The following RABL6 variants were observed in gnomAD, a reference collection of about 807,000 sequenced individuals.
RABL6 encodes the protein rab-like protein 6.
In RABL6, 28 loss-of-function variants were observed where a neutral mutation model predicts 72.9. The observed-to-expected ratio is 0.38, with a 90% CI of 0.28 to 0.53. The LOEUF is 0.53. RABL6 is among the 20% of genes least tolerant of loss of function. The pLI, the probability that RABL6 is intolerant of heterozygous loss-of-function variation, is 0.80. For synonymous variants in RABL6, 477 were observed against 421.2 expected (o/e 1.13, Z -1.62); for missense variants, 1,029 against 1,008.4 (o/e 1.02, Z -0.28).
chr9:136,839,230 T>C lies in RABL6; in HGVS notation c.1502T>C (p.Ile501Thr), dbSNP rs765194335. 1 of 1,599,094 alleles carries C rather than the reference T, an allele frequency of 6.3e-7. No homozygotes were observed. Among genetic ancestry groups the C allele is most frequent in the Non-Finnish European group, 8.5e-7 (1 of 1,172,982 alleles). Residue 501 changes from isoleucine to threonine, a missense_variant, in exon 12 of 15, where the codon ATA becomes ACA. Around this residue, in one of 2 missense-constraint regions of RABL6, gnomAD observed 595 missense variants for 472.4 expected, o/e 1.26. Coordinates refer to ENST00000311502, the MANE Select transcript of RABL6 (RefSeq NM_024718.5). ...CSEPETKWSSIPASKPRRGTA... is the reference protein window; with the variant it reads ...CSEPETKWSSTPASKPRRGTA... Reference sequence around the variant, plus strand: ...TCTGCTTGTCCACAAAGGTCCTCCATACCAGCTTCGAAGCCACGGAGGGGG... The same window carrying C: ...TCTGCTTGTCCACAAAGGTCCTCCACACCAGCTTCGAAGCCACGGAGGGGG...
chr9:136,835,950 T>A, intron 8 of RABL6, 105 bp downstream of exon 8: 1 of 1,136,744 alleles, frequency 8.8e-7, no homozygotes, highest in African/African-American at 1.6e-5. Flanking sequence ...GAGTGTCCCC[T>A]GTTTGGGGTA....
rs1847902411 is a variant in RABL6, at chr9:136,808,003, G to A, written c.-194G>A. On this transcript the variant is annotated 5_prime_UTR_variant, in exon 1 of 15. Transcript: ENST00000311502. Reference sequence around the variant, plus strand: ...CGCGCCGGAGGCCGCGGGGGCCGGAGCGGAGCAGCCGCGGCTGAGGTTCCC... The same window carrying A: ...CGCGCCGGAGGCCGCGGGGGCCGGAACGGAGCAGCCGCGGCTGAGGTTCCC... 6.9e-6 allele frequency: 7 copies of A among 1,021,118 alleles called. No individual in the cohort carries two copies. The highest frequency in any genetic ancestry group is 5.8e-5 in the Admixed American group (1 of 17,258). 63.3% of individuals were successfully genotyped at this position (1,021,118 alleles called of 1,614,324 possible). A position where few individuals can be genotyped will look rare whatever the true frequency, so the allele number is the denominator to read the frequency against.
chr9:136,820,998 G>T (rs1047251287), intron 1 of RABL6, among the ~76,000 whole-genome samples: 4 of 152,176 alleles, frequency 2.6e-5, no homozygotes, highest in African/African-American at 9.7e-5. Flanking sequence ...CTGAGTGAGA[G>T]AAATTATTCT....
At chr9:136,838,636 C>T (rs531596585) in intron 10 of RABL6, among the ~76,000 whole-genome samples, 34 of 152,250 alleles carry the variant, frequency 2.2e-4, no homozygotes, top group Non-Finnish European at 3.8e-4. Flanking sequence ...GAGCTGGGCC[C>T]GCCTCCTCCA....
intron 1 of RABL6, among the ~76,000 whole-genome samples, chr9:136,817,637 T>C (rs1052203422): frequency 1.4e-5 from 2 of 138,576 alleles, no homozygotes; most frequent in African/African-American, 5.3e-5. Flanking sequence ...TGATGAGCAC[T>C]TGAGAGCCGT....
intron 1 of RABL6, among the ~76,000 whole-genome samples, chr9:136,810,628 T>A (rs2131152619): frequency 6.6e-6 from 1 of 152,136 alleles, no homozygotes; most frequent in Non-Finnish European, 1.5e-5. Context: ...TGCAAGCTCC[T>A]CCTCCCGGGT....
intron 1 of RABL6, 26 bp downstream of exon 1, chr9:136,808,352 C>T (rs1847915453): frequency 1.4e-6 from 2 of 1,480,036 alleles, no homozygotes; most frequent in Non-Finnish European, 1.8e-6. Flanking sequence ...CGGGGGGGCG[C>T]GGGAGCGCCG....
At chr9:136,813,414 C>A in intron 1 of RABL6, 1 of 858,180 alleles carries the variant, frequency 1.2e-6, no homozygotes. Context: ...GTTTTTGATT[C>A]ACCCCTCCAA....
intron 6 of RABL6, 128 bp from the exon 7 acceptor site, chr9:136,832,137 G>A: frequency 5.1e-6 from 5 of 972,468 alleles, no homozygotes; most frequent in East Asian, 2.5e-5. Flanking sequence ...GCTCAGCAGG[G>A]TCCTGTGGCC....
intron 1 of RABL6, among the ~76,000 whole-genome samples, chr9:136,816,950 T>A (rs886385707): frequency 6.6e-6 from 1 of 152,156 alleles, no homozygotes; most frequent in African/African-American, 2.4e-5. Context: ...AACAAATGTA[T>A]GTTAAAATTG....
At chr9:136,812,364 A>G (rs1848029423) in intron 1 of RABL6, among the ~76,000 whole-genome samples, 1 of 152,282 alleles carries the variant, frequency 6.6e-6, no homozygotes, top group South Asian at 2.1e-4. Flanking sequence ...GTTCAAGACC[A>G]ACCTGGCCAA....
chr9:136,823,701 TCTC>T (rs763746357), intron 2 of RABL6, 42 bp downstream of exon 2: 9 of 1,555,084 alleles, frequency 5.8e-6, no homozygotes, highest in South Asian at 4.7e-5. Context: ...GCTCCAGGCT[TCTC>T]CTCCCTCAGC....
At chr9:136,834,538 G>T in intron 7 of RABL6, 1 of 886,984 alleles carries the variant, frequency 1.1e-6, no homozygotes, top group African/African-American at 1.8e-5. Context: ...GAGTACGGTG[G>T]TGCAATCTTG....
rs548191891 is a variant in RABL6 at position 136,834,415 on chromosome 9, C to G, written c.706-1327C>G. The G allele has an allele frequency of 7.1e-6, 7 of 986,778 alleles. No individual in the cohort carries two copies. The African/African-American group carries it at 1.0e-4, about 15-fold the overall frequency. The allele number at this position is 986,778 out of a possible 1,614,324, so 61.1% of individuals were successfully genotyped here. ...CACACATTACATTTGGTTGACAAGT[C>G]TGTAGATTTCTCTTTGTAAATCACA... On this transcript the variant is annotated intron_variant, in intron 7 of 14. Transcript: ENST00000311502.
At chr9:136,821,254 G>A in intron 1 of RABL6, 2 of 903,888 alleles carry the variant, frequency 2.2e-6, no homozygotes, top group Non-Finnish European at 2.6e-6. Context: ...AGGGACGTCA[G>A]CGCGTTGGTT....
At chr9:136,821,289 GCTGTGACCGTCT>G (rs1848230927) in intron 1 of RABL6, 2 of 978,588 alleles carry the variant, frequency 2.0e-6, no homozygotes, top group African/African-American at 3.5e-5. Context: ...ACGGGCGGTC[GCTGTGACCGTCT>G]CTGCGCTCTC....
At chr9:136,809,666 A>AT (rs2131150311) in intron 1 of RABL6, 1 of 160,928 alleles carries the variant, frequency 6.2e-6, no homozygotes, top group South Asian at 1.5e-4. Flanking sequence ...CAAGGGCCGT[A>AT]TTGGCTTTTC....
At chr9:136,834,129 C>T (rs1430640719) in intron 7 of RABL6, 6 of 1,313,168 alleles carry the variant, frequency 4.6e-6, no homozygotes, top group East Asian at 2.8e-5. Context: ...CCCCTGTTTC[C>T]TCTTTGTCTT....
intron 1 of RABL6, chr9:136,809,413 C>T (rs753646615): frequency 5.1e-5 from 15 of 293,960 alleles, no homozygotes; most frequent in Non-Finnish European, 9.4e-5. Flanking sequence ...GCCACCCTCA[C>T]CCAGACACCT....
Sources: allele counts gnomAD v4.1 joint callset (sites outside exome capture counted in the v4.1 genomes callset), GRCh38; gene constraint gnomAD v4.1.1; regional missense constraint gnomAD v4.1.1; transcripts MANE v1.5; gene names NCBI Gene and HGNC (gene_info 2026-07-23, HGNC 2026-07-21).